Variants in PHF7 observed in about 807,000 individuals in gnomAD.
PHF7 encodes the protein PHD finger protein 7, also known as E3 ubiquitin-protein ligase PHF7.
In PHF7, 24 loss-of-function variants were observed where a neutral mutation model predicts 47.5. That is an observed-to-expected ratio of 0.51 (90% CI 0.37 to 0.71). The LOEUF (loss-of-function observed/expected upper bound fraction) is 0.71, where lower values mean the gene tolerates loss of function less well. Ranked by LOEUF, PHF7 falls within the 30% of genes least tolerant of loss-of-function variation. The pLI is 0.00. For missense variants in PHF7, 361 were observed against 456.8 expected (o/e 0.79, Z 1.91); for synonymous variants, 156 against 153.8 (o/e 1.01, Z -0.11).
At position 52,423,430 on chromosome 3, in the gene PHF7, G is replaced by C; in HGVS notation, c.*113G>C. 1.5e-6 allele frequency: 1 copy of C among 667,396 alleles called. No homozygotes were observed. The highest frequency in any genetic ancestry group is 2.7e-5 in the East Asian group (1 of 37,206). 41.3% of individuals were successfully genotyped at this position (667,396 alleles called of 1,614,324 possible). A position where few individuals can be genotyped will look rare whatever the true frequency, so the allele number is the denominator to read the frequency against. The stretch of plus-strand genomic sequence containing the variant: ...GAGACAAGGAAGCAGGGCCAGCAGT[G>C]AGACTATGAGCCAAGCAAAGAGAAG... On this transcript the variant is annotated 3_prime_UTR_variant, in exon 11 of 11. Coordinates refer to ENST00000327906, the MANE Select transcript of PHF7 (RefSeq NM_016483.7).
chr3:52,414,134 TTC>T, intron 3 of PHF7, 86 bp downstream of exon 3: 6 of 865,418 alleles, frequency 6.9e-6, no homozygotes, highest in Non-Finnish European at 1.2e-5. Context: ...TACTTGCTTC[TTC>T]TCTCTCTCCC....
intron 5 of PHF7, 54 bp from the exon 6 acceptor site, chr3:52,420,255 CTG>C (rs746210764): frequency 1.9e-6 from 3 of 1,574,754 alleles, no homozygotes; most frequent in East Asian, 2.2e-5. Context: ...ATGTGCTACA[CTG>C]TGTGTGTTTG....
In PHF7 at chr3:52,423,116, C is replaced by T; in HGVS notation, c.945C>T (p.Asp315=). The T allele has an allele frequency of 1.2e-6, 2 of 1,613,052 alleles. No homozygotes were observed. The highest frequency in any genetic ancestry group is 1.7e-6 in the Non-Finnish European group (2 of 1,179,002). The part of the protein sequence containing the change: ...ATDYIPENSG[D]IPCCSSTFHP... Reference sequence around the variant, plus strand: ...ACTACATACCTGAAAACTCAGGGGACATCCCTTGCTGCAGCAGCACCTTCC... The same window carrying T: ...ACTACATACCTGAAAACTCAGGGGATATCCCTTGCTGCAGCAGCACCTTCC... The change falls in exon 11 of 11, where the codon GAC becomes GAT. Residue 315 remains aspartate (D), a synonymous_variant. Coordinates refer to ENST00000327906, the MANE Select transcript of PHF7 (RefSeq NM_016483.7).
intron 4 of PHF7, among the ~76,000 whole-genome samples, chr3:52,417,849 T>G (rs898561134): frequency 6.6e-6 from 1 of 152,246 alleles, no homozygotes; most frequent in Non-Finnish European, 1.5e-5. Context: ...ATCCTTGTCT[T>G]GTTCCCAACA....
At chr3:52,418,711 T>C (rs1188145857) in intron 4 of PHF7, among the ~76,000 whole-genome samples, 3 of 152,118 alleles carry the variant, frequency 2.0e-5, no homozygotes, top group South Asian at 2.1e-4. Flanking sequence ...TGCTCCTCCT[T>C]GTCCTATAAC....
At chr3:52,423,030 A>G (rs1705841292) in intron 10 of PHF7, 61 bp from the exon 11 acceptor site, 4 of 1,483,442 alleles carry the variant, frequency 2.7e-6, no homozygotes, top group Non-Finnish European at 3.8e-6. Flanking sequence ...GAGGAGCTTA[A>G]GGACCTGTGC....
chr3:52,414,091 C>T (rs1705548099), intron 3 of PHF7, 43 bp downstream of exon 3: 1 of 1,443,198 alleles, frequency 6.9e-7, no homozygotes, highest in Non-Finnish European at 9.8e-7. Context: ...GCCTCCAGCC[C>T]TCAGCAAAGA....
chr3:52,422,472 T>A, intron 9 of PHF7, 134 bp downstream of exon 9: 1 of 718,074 alleles, frequency 1.4e-6, no homozygotes, highest in Non-Finnish European at 2.5e-6. Context: ...TAAGTCTCAT[T>A]CTTGACCAGC....
rs1181151799 is a variant in PHF7, at chr3:52,420,997, CAG to C, written c.511_512del (p.Ser171CysfsTer2). On this transcript the variant is annotated frameshift_variant, in exon 7 of 11. Transcript: ENST00000327906. LOFTEE classifies it high-confidence loss of function. ...CTTATGTTGTGAAGACTTATCCCAA[CAG>C]AGTGTTGAGAACATCCAGAGCCCGT... ...CILCCEDLSQ[Q>X]SVENIQSPCC... 6.2e-7 allele frequency: 1 copy of C among 1,613,802 alleles called. No individual in the cohort carries two copies. The highest frequency in any genetic ancestry group is 1.3e-5 in the African/African-American group (1 of 75,042).
At chr3:52,413,002 G>C in intron 2 of PHF7, 82 bp downstream of exon 2, 2 of 1,046,822 alleles carry the variant, frequency 1.9e-6, no homozygotes, top group East Asian at 4.9e-5. Context: ...CCCCTTTGTC[G>C]TAGTCTTGGG....
chr3:52,422,441 C>G (rs984684031), intron 9 of PHF7, 103 bp downstream of exon 9: 1 of 822,054 alleles, frequency 1.2e-6, no homozygotes, highest in Non-Finnish European at 2.1e-6. Flanking sequence ...TGTATGCAGA[C>G]CTTAGGATAA....
intron 8 of PHF7, 180 bp from the exon 9 acceptor site, chr3:52,422,042 A>G (rs747950586): frequency 4.7e-6 from 3 of 640,370 alleles, no homozygotes; most frequent in Non-Finnish European, 8.4e-6. Flanking sequence ...TGCATGTTCC[A>G]TTCATCCTGC....
Position 52,423,433 on chromosome 3 carries a change from A to G in PHF7, c.*116A>G. The G allele has an allele frequency of 1.5e-6, 1 of 657,252 alleles. No individual in the cohort carries two copies. The highest frequency in any genetic ancestry group is 2.7e-6 in the Non-Finnish European group (1 of 373,168). The allele number at this position is 657,252 out of a possible 1,614,324, so 40.7% of individuals were successfully genotyped here. A position where few individuals can be genotyped will look rare whatever the true frequency, so the allele number is the denominator to read the frequency against. On this transcript the variant is annotated 3_prime_UTR_variant, in exon 11 of 11. Coordinates refer to ENST00000327906, the MANE Select transcript of PHF7 (RefSeq NM_016483.7). ...ACAAGGAAGCAGGGCCAGCAGTGAG[A>G]CTATGAGCCAAGCAAAGAGAAGTCT...
intron 3 of PHF7, 28 bp downstream of exon 3, chr3:52,414,076 C>T (rs1299934628): frequency 1.3e-6 from 2 of 1,554,030 alleles, no homozygotes; most frequent in South Asian, 2.2e-5. Context: ...TTGTGTTCGC[C>T]CACTGCCTCC....
At chr3:52,417,459 A>G (rs898586898) in intron 4 of PHF7, among the ~76,000 whole-genome samples, 1 of 152,228 alleles carries the variant, frequency 6.6e-6, no homozygotes, top group African/African-American at 2.4e-5. Flanking sequence ...CTTTTAAAAT[A>G]TATCTCAGCA....
chr3:52,421,901 T>A, intron 8 of PHF7, 147 bp downstream of exon 8: 1 of 490,032 alleles, frequency 2.0e-6, no homozygotes, highest in Non-Finnish European at 3.7e-6. Flanking sequence ...TTTTCAATTA[T>A]CAAAACAGAA....
chr3:52,420,230 C>T (rs751684255), intron 5 of PHF7, 81 bp from the exon 6 acceptor site: 2 of 1,482,872 alleles, frequency 1.3e-6, no homozygotes, highest in South Asian at 2.3e-5. Flanking sequence ...CACAAAACTT[C>T]CATTTAATAG....
At chr3:52,412,731 G>A (rs1376330767) in intron 1 of PHF7, 80 bp from the exon 2 acceptor site, 1 of 659,494 alleles carries the variant, frequency 1.5e-6, no homozygotes, top group African/African-American at 1.8e-5. Flanking sequence ...GAGGTGAAGT[G>A]CACCATTGCC....
chr3:52,419,632 C>T (rs1383964382), intron 4 of PHF7, among the ~76,000 whole-genome samples: 2 of 151,956 alleles, frequency 1.3e-5, no homozygotes, highest in Middle Eastern at 3.4e-3. Flanking sequence ...GGGGTTTCAC[C>T]GTGTTAGCCA....
Sources: gnomAD v4.1 joint callset for allele counts (sites outside exome capture counted in the v4.1 genomes callset) on GRCh38, gnomAD v4.1.1 for gene constraint, MANE v1.5 for transcripts, NCBI Gene and HGNC (gene_info 2026-07-23, HGNC 2026-07-21) for gene names.